ERBIN: variants seen among roughly 807,000 people sequenced by gnomAD.
The protein encoded by ERBIN is erbb2 interacting protein.
In ERBIN, 60 loss-of-function variants were observed where a neutral mutation model predicts 158.4. The observed-to-expected ratio is 0.38, with a 90% CI of 0.31 to 0.47. ERBIN has a LOEUF of 0.47. ERBIN is among the 20% of genes least tolerant of loss of function. ERBIN has a pLI of 0.99. For synonymous variants in ERBIN, 594 were observed against 557.2 expected (o/e 1.07, Z -0.93); for missense variants, 1,610 against 1,648.0 (o/e 0.98, Z 0.40).
chr5:65,999,180 C>A (rs537170109), intron 4 of ERBIN, among the ~76,000 whole-genome samples: 2 of 150,622 alleles, frequency 1.3e-5, no homozygotes, highest in Non-Finnish European at 2.9e-5. Context: ...ACCAGCCTGG[C>A]GAATGTGGAC....
rs115217169 is a variant in ERBIN at position 66,016,254 on chromosome 5, A to G, written c.533+1529A>G. Among the ~76,000 whole-genome samples the G allele has an allele frequency of 7.3e-3, 1,117 of 152,340 alleles. 20 individuals carry two copies. The highest frequency in any genetic ancestry group is 0.026 in the African/African-American group (1,068 of 41,580). ...ACTCTCAGTGATAGTTCCTTAGCTA[A>G]AAATGTGACTGGTTTCTAAGATATT... On this transcript the variant is annotated intron_variant, in intron 7 of 25. Coordinates refer to ENST00000284037, the MANE Select transcript of ERBIN (RefSeq NM_001253697.2).
intron 1 of ERBIN, among the ~76,000 whole-genome samples, chr5:65,939,775 C>T (rs1275083106): frequency 1.3e-5 from 2 of 152,264 alleles, no homozygotes; most frequent in South Asian, 4.1e-4. Context: ...TCTCCAGCTC[C>T]GAACTGCGAG....
In ERBIN at chr5:66,079,276, A is replaced by C. The variant is rs988761407; in HGVS notation, c.*746A>C. ...CATAGCCATTGACTATACATTTGCT[A>C]CTGGTGATTCAGTTTTTAATTTTTT... is the stretch of plus-strand genomic sequence containing the variant. On this transcript the variant is annotated 3_prime_UTR_variant, in exon 26 of 26. Coordinates refer to ENST00000284037, the MANE Select transcript of ERBIN (RefSeq NM_001253697.2). The C allele has an allele frequency of 6.6e-6, 1 of 152,398 alleles. No homozygotes were observed. The highest frequency in any genetic ancestry group is 2.4e-5 in the African/African-American group (1 of 41,388). The allele number at this position is 152,398 out of a possible 1,614,324, so 9.4% of individuals were successfully genotyped here.
intron 21 of ERBIN, among the ~76,000 whole-genome samples, chr5:66,056,037 A>T (rs930032459): frequency 2.0e-5 from 3 of 152,242 alleles, no homozygotes; most frequent in Non-Finnish European, 4.4e-5. Context: ...TGCTTTTTCT[A>T]AGGCACTTGG....
At chr5:65,952,055 C>A (rs373738018) in intron 1 of ERBIN, among the ~76,000 whole-genome samples, 1 of 152,174 alleles carries the variant, frequency 6.6e-6, no homozygotes, top group African/African-American at 2.4e-5. Context: ...ACAATTCAGA[C>A]ATTAGGACTC....
chr5:65,956,674 C>T (rs540836597), intron 1 of ERBIN, among the ~76,000 whole-genome samples: 1 of 151,892 alleles, frequency 6.6e-6, no homozygotes, highest in Admixed American at 6.6e-5. Context: ...GCCACTGCTC[C>T]TGGCGGGAAA....
intron 1 of ERBIN, among the ~76,000 whole-genome samples, chr5:65,980,850 A>C (rs924270015): frequency 6.6e-6 from 1 of 152,220 alleles, no homozygotes; most frequent in Non-Finnish European, 1.5e-5. Context: ...CAAATTTACA[A>C]CTATAGTTAA....
At chr5:66,075,343 A>G (rs1761891357) in intron 23 of ERBIN, 113 bp downstream of exon 23, 1 of 886,850 alleles carries the variant, frequency 1.1e-6, no homozygotes, top group Non-Finnish European at 1.7e-6. Context: ...ATTACCATTT[A>G]AAGTTTTATT....
At chr5:66,027,547 C>T (rs1756407660) in intron 13 of ERBIN, among the ~76,000 whole-genome samples, 1 of 151,952 alleles carries the variant, frequency 6.6e-6, no homozygotes, top group Non-Finnish European at 1.5e-5. Flanking sequence ...CAGTACTGAA[C>T]GTGTACCAAC....
At chr5:65,976,503 T>C (rs1749874211) in intron 1 of ERBIN, among the ~76,000 whole-genome samples, 1 of 151,400 alleles carries the variant, frequency 6.6e-6, no homozygotes, top group Admixed American at 6.6e-5. Context: ...ATGAGAAAGC[T>C]ATTTCTTTTC....
In ERBIN at chr5:66,075,297, ATTAT is replaced by A. The variant is rs1465179281; in HGVS notation, c.3963+69_3963+72del. On this transcript the variant is annotated intron_variant, in intron 23 of 25. Coordinates refer to ENST00000284037, the MANE Select transcript of ERBIN (RefSeq NM_001253697.2). Reference sequence around the variant, plus strand: ...TTTATGTATTTTTATAGGTTACTTAATTATTAGTAAATCCATACAGAATATTAAC... The same window carrying A: ...TTTATGTATTTTTATAGGTTACTTAATAGTAAATCCATACAGAATATTAAC... 1.4e-5 allele frequency: 17 copies of A among 1,256,002 alleles called. No homozygotes were observed. The East Asian group carries it at 2.6e-4, about 19-fold the overall frequency. 77.8% of individuals were successfully genotyped at this position (1,256,002 alleles called of 1,614,324 possible). A position where few individuals can be genotyped will look rare whatever the true frequency, so the allele number is the denominator to read the frequency against.
Position 66,044,170 on chromosome 5 carries a change from C to T in ERBIN, c.1462C>T (p.Pro488Ser), listed in dbSNP as rs762427667. Residue 488 changes from proline (P) to serine (S), a missense_variant, in exon 17 of 26, where the codon CCA (proline) becomes TCA (serine). By Grantham distance (74) the Pro-to-Ser change is moderately conservative. Transcript: ENST00000284037. The stretch of plus-strand genomic sequence containing the variant: ...TTTAAAAAGATATCCAACACCATAC[C>T]CAGATGAGCTTAAGAATATGGTCAA... ...GNLKRYPTPYPDELKNMVKTV... is the reference protein window; with the variant it reads ...GNLKRYPTPYSDELKNMVKTV... 3.7e-5 allele frequency: 59 copies of T among 1,583,546 alleles called. No individual in the cohort carries two copies. Among genetic ancestry groups the T allele is most frequent in the Non-Finnish European group, 4.9e-5 (57 of 1,169,164 alleles).
intron 1 of ERBIN, among the ~76,000 whole-genome samples, chr5:65,967,621 A>G (rs982685317): frequency 6.6e-6 from 1 of 152,236 alleles, no homozygotes; most frequent in Non-Finnish European, 1.5e-5. Flanking sequence ...TGTTTGTACA[A>G]TGATGAAATT....
intron 7 of ERBIN, among the ~76,000 whole-genome samples, chr5:66,018,248 G>A (rs1755008239): frequency 6.7e-6 from 1 of 149,690 alleles, no homozygotes; most frequent in African/African-American, 2.5e-5. Context: ...CATTGAATCT[G>A]TACATTGCTT....
At chr5:65,964,767 G>A (rs957222664) in intron 1 of ERBIN, among the ~76,000 whole-genome samples, 3 of 135,792 alleles carry the variant, frequency 2.2e-5, no homozygotes, top group African/African-American at 8.4e-5. Context: ...TTTTGAGATG[G>A]AGTCTCGCTC....
At position 66,028,007 on chromosome 5, in the gene ERBIN, T is replaced by C. The variant is rs143817066; in HGVS notation, c.1137-267T>C. Among the ~76,000 whole-genome samples the C allele has an allele frequency of 2.2e-3, 329 of 152,186 alleles. 2 individuals are homozygous for C. The highest frequency in any genetic ancestry group is 7.7e-3 in the African/African-American group (321 of 41,564). ...CAGGGACAATTAATTTTTCAACAGATTTTTAAGGTTATTCTATTATCCATT... is the reference window on the plus strand; with the variant it reads ...CAGGGACAATTAATTTTTCAACAGACTTTTAAGGTTATTCTATTATCCATT... On this transcript the variant is annotated intron_variant, in intron 13 of 25. Transcript: ENST00000284037.
intron 1 of ERBIN, among the ~76,000 whole-genome samples, chr5:65,979,439 C>T (rs1409545952): frequency 6.6e-6 from 1 of 151,914 alleles, no homozygotes; most frequent in East Asian, 1.9e-4. Flanking sequence ...AACCCGCAAA[C>T]CAAATGAGTA....
intron 6 of ERBIN, 82 bp from the exon 7 acceptor site, chr5:66,014,587 C>A: frequency 1.5e-6 from 1 of 667,442 alleles, no homozygotes; most frequent in East Asian, 3.3e-5. Context: ...ACATTGCTTC[C>A]TTTAAAACAT....
rs143647057 is a variant in ERBIN at position 65,936,130 on chromosome 5, C to G, written c.-58+9324C>G. Among the ~76,000 whole-genome samples the G allele has an allele frequency of 1.5e-4, 23 of 149,678 alleles. No individual in the cohort carries two copies. The East Asian group carries it at 4.5e-3, about 29-fold the overall frequency. The stretch of plus-strand genomic sequence containing the variant: ...TTCACACCTTAGGTCACTCTAGACT[C>G]TTTGTGGGAGCATGGAGGGAGGTCT... On this transcript the variant is annotated intron_variant, in intron 1 of 25. Coordinates refer to ENST00000284037, the MANE Select transcript of ERBIN (RefSeq NM_001253697.2).
Sources: allele counts gnomAD v4.1 joint callset (sites outside exome capture counted in the v4.1 genomes callset), GRCh38; gene constraint gnomAD v4.1.1; transcripts MANE v1.5; gene names NCBI Gene and HGNC (gene_info 2026-07-23, HGNC 2026-07-21).